Variants in GRM8 observed in about 807,000 individuals in gnomAD.
GRM8 encodes the protein metabotropic glutamate receptor 8.
In GRM8, 47 loss-of-function variants were observed where a neutral mutation model predicts 87.2. The observed-to-expected ratio is 0.54, with a 90% CI of 0.43 to 0.69. The LOEUF is 0.69. GRM8 is among the 30% of genes least tolerant of loss of function. GRM8 has a pLI of 0.00. For missense variants in GRM8, 1,019 were observed against 1,139.2 expected, an observed-to-expected ratio of 0.89 and a Z score of 1.52; for synonymous variants, 396 against 404.5, an observed-to-expected ratio of 0.98 and a Z score of 0.25.
intron 6 of GRM8, among the ~76,000 whole-genome samples, chr7:126,889,486 G>A (rs1204182590): frequency 6.6e-6 from 1 of 152,052 alleles, no homozygotes; most frequent in Non-Finnish European, 1.5e-5. Context: ...GTTGCAAGTA[G>A]CACACCCCCA....
At chr7:126,977,107 A>G (rs1563373166) in intron 3 of GRM8, among the ~76,000 whole-genome samples, 1 of 152,148 alleles carries the variant, frequency 6.6e-6, no homozygotes, top group Non-Finnish European at 1.5e-5. Flanking sequence ...TTTCACCAAA[A>G]TGTATATAAA....
At chr7:127,089,237 G>A (rs1823817930) in intron 3 of GRM8, among the ~76,000 whole-genome samples, 1 of 152,206 alleles carries the variant, frequency 6.6e-6, no homozygotes, top group African/African-American at 2.4e-5. Context: ...CTGGAGTTAT[G>A]CAGCTACAAG....
chr7:126,723,089 C>T (rs1812601640), intron 7 of GRM8, among the ~76,000 whole-genome samples: 1 of 149,280 alleles, frequency 6.7e-6, no homozygotes, highest in Non-Finnish European at 1.5e-5. Flanking sequence ...GTGCTTTTCC[C>T]TTTATTAATA....
intron 2 of GRM8, among the ~76,000 whole-genome samples, chr7:127,171,743 T>C (rs1268161889): frequency 6.6e-6 from 1 of 152,244 alleles, no homozygotes; most frequent in Non-Finnish European, 1.5e-5. Context: ...TAATTCACTT[T>C]ATTGCAATAT....
chr7:126,711,090 G>A (rs144513525), intron 7 of GRM8, among the ~76,000 whole-genome samples: 20 of 152,290 alleles, frequency 1.3e-4, no homozygotes, highest in Admixed American at 1.1e-3. Flanking sequence ...CATGAGAATC[G>A]CTTGAACCCA....
intron 6 of GRM8, among the ~76,000 whole-genome samples, chr7:126,808,416 C>A (rs1342138081): frequency 6.6e-6 from 1 of 152,182 alleles, no homozygotes; most frequent in Non-Finnish European, 1.5e-5. Context: ...CAATTCAGAT[C>A]TGTGAGGGTA....
chr7:126,506,250 TACGTGTATCTACACAC>T (rs539032754), intron 9 of GRM8, among the ~76,000 whole-genome samples: 169 of 151,822 alleles, frequency 1.1e-3, no homozygotes, highest in African/African-American at 4.0e-3. Flanking sequence ...TGTGTAGACA[TACGTGTATCTACACAC>T]ACACACATAT....
chr7:126,541,921 T>C (rs139514692), intron 8 of GRM8, among the ~76,000 whole-genome samples: 1 of 152,368 alleles, frequency 6.6e-6, no homozygotes, highest in East Asian at 1.9e-4. Flanking sequence ...AGAATGTGAC[T>C]GTATTTGGAG....
At chr7:126,869,543 G>T (rs1353694178) in intron 6 of GRM8, 1 of 152,142 alleles carries the variant, frequency 6.6e-6, no homozygotes, top group African/African-American at 2.4e-5. Context: ...TGATCCATGG[G>T]TTGCAGAATG....
intron 7 of GRM8, among the ~76,000 whole-genome samples, chr7:126,704,565 C>A (rs553988343): frequency 6.9e-4 from 105 of 152,244 alleles, no homozygotes; most frequent in African/African-American, 2.3e-3. Flanking sequence ...CTTTCAAAAG[C>A]AAATGGGAGA....
At chr7:126,620,934 T>C (rs1300897680) in intron 7 of GRM8, among the ~76,000 whole-genome samples, 1 of 152,184 alleles carries the variant, frequency 6.6e-6, no homozygotes, top group Non-Finnish European at 1.5e-5. Context: ...GCTCCCCTCA[T>C]GCTACCAAAA....
intron 2 of GRM8, among the ~76,000 whole-genome samples, chr7:127,128,812 T>G (rs1827520320): frequency 6.6e-6 from 1 of 152,154 alleles, no homozygotes; most frequent in Non-Finnish European, 1.5e-5. Context: ...ATGTTCCCTG[T>G]CATATTCACT....
At chr7:127,191,499 C>T (rs141857863) in intron 2 of GRM8, among the ~76,000 whole-genome samples, 47 of 152,204 alleles carry the variant, frequency 3.1e-4, no homozygotes, top group Non-Finnish European at 5.6e-4. Context: ...TTGCTGAAGA[C>T]CAGGACCTTT....
At chr7:126,708,415 T>TA (rs2151420255) in intron 7 of GRM8, among the ~76,000 whole-genome samples, 1 of 152,170 alleles carries the variant, frequency 6.6e-6, no homozygotes, top group South Asian at 2.1e-4. Context: ...ATTAAATAGA[T>TA]ATCTGCACTG....
chr7:126,881,613 A>G (rs1330028810), intron 6 of GRM8, among the ~76,000 whole-genome samples: 2 of 152,222 alleles, frequency 1.3e-5, no homozygotes, highest in Admixed American at 1.3e-4. Flanking sequence ...CAATTTGCAC[A>G]GTCTGAGCTA....
At chr7:126,789,944 T>A (rs1422278138) in intron 6 of GRM8, among the ~76,000 whole-genome samples, 1 of 152,182 alleles carries the variant, frequency 6.6e-6, no homozygotes, top group Non-Finnish European at 1.5e-5. Context: ...CATGTTGTAC[T>A]ATGAAATCCA....
At chr7:126,505,167 T>C (rs1810257708) in intron 9 of GRM8, among the ~76,000 whole-genome samples, 1 of 152,032 alleles carries the variant, frequency 6.6e-6, no homozygotes. Context: ...TAAGCAGACT[T>C]ATAGACATAT....
chr7:126,907,218 A>G (rs1802784402), intron 3 of GRM8, among the ~76,000 whole-genome samples: 1 of 143,866 alleles, frequency 7.0e-6, no homozygotes, highest in Admixed American at 6.9e-5. Flanking sequence ...GGAGGAAGAG[A>G]TGGAGGAGGA....
At chr7:126,698,400 T>C (rs1809603770) in intron 7 of GRM8, among the ~76,000 whole-genome samples, 1 of 152,168 alleles carries the variant, frequency 6.6e-6, no homozygotes, top group Non-Finnish European at 1.5e-5. Flanking sequence ...ATGATGCTTA[T>C]CTTTTAAATA....
Sources: gnomAD v4.1 joint callset for allele counts (sites outside exome capture counted in the v4.1 genomes callset) on GRCh38, gnomAD v4.1.1 for gene constraint, MANE v1.5 for transcripts, NCBI Gene and HGNC (gene_info 2026-07-23, HGNC 2026-07-21) for gene names.